WWOX: variants seen among roughly 807,000 people sequenced by gnomAD.
WWOX encodes WW domain containing oxidoreductase.
Under a neutral mutation model 46.2 loss-of-function variants are expected in WWOX, and 69 were observed. That is an observed-to-expected ratio of 1.49 (90% CI 1.23 to 1.82). The LOEUF is 1.82. Ranked by LOEUF, WWOX falls within the 40% of genes most tolerant of loss-of-function variation. WWOX has a pLI of 0.00. For synonymous variants in WWOX, 359 were observed against 202.6 expected (o/e 1.77, Z -6.56); for missense variants, 919 against 542.6 (o/e 1.69, Z -6.89).
intron 5 of WWOX, among the ~76,000 whole-genome samples, chr16:78,197,179 C>T (rs1040015900): frequency 2.6e-5 from 4 of 152,118 alleles, no homozygotes; most frequent in Non-Finnish European, 4.4e-5. Flanking sequence ...AACTGAGGCT[C>T]GGCGATACTA....
chr16:78,896,009 G>T (rs969290477), intron 8 of WWOX: 1 of 152,088 alleles, frequency 6.6e-6, no homozygotes, highest in Non-Finnish European at 1.5e-5. Context: ...GAAATGAACA[G>T]TTCTCAAACT....
chr16:78,153,203 G>A (rs901817291), intron 4 of WWOX, among the ~76,000 whole-genome samples: 3 of 152,162 alleles, frequency 2.0e-5, no homozygotes, highest in African/African-American at 7.2e-5. Context: ...CAGAGGTATG[G>A]ATTAGCTAGT....
chr16:78,200,131 A>G (rs1246602799), intron 5 of WWOX, among the ~76,000 whole-genome samples: 1 of 152,106 alleles, frequency 6.6e-6, no homozygotes, highest in Non-Finnish European at 1.5e-5. Context: ...GAGATTTCTA[A>G]GGCCAGACAT....
intron 8 of WWOX, among the ~76,000 whole-genome samples, chr16:78,573,552 C>T (rs560068806): frequency 2.6e-5 from 4 of 152,288 alleles, no homozygotes; most frequent in African/African-American, 4.8e-5. Context: ...TTCAGTGGCT[C>T]CCTGGGCCCT....
chr16:78,520,566 T>A (rs189517607), intron 8 of WWOX, among the ~76,000 whole-genome samples: 38 of 150,972 alleles, frequency 2.5e-4, no homozygotes, highest in African/African-American at 9.0e-4. Flanking sequence ...AGATTGGCAG[T>A]GGATGTCAGG....
chr16:79,195,125 G>T (rs533330642), intron 8 of WWOX, among the ~76,000 whole-genome samples: 1 of 152,090 alleles, frequency 6.6e-6, no homozygotes, highest in Non-Finnish European at 1.5e-5. Context: ...GAAAACAGAG[G>T]CTCAGACTGG....
At chr16:78,970,015 A>G (rs1030741374) in intron 8 of WWOX, among the ~76,000 whole-genome samples, 3 of 151,812 alleles carry the variant, frequency 2.0e-5, no homozygotes, top group Non-Finnish European at 4.4e-5. Context: ...TCATATCTCA[A>G]CAAAGCTGTT....
chr16:78,423,077 G>C (rs149032128), intron 6 of WWOX, among the ~76,000 whole-genome samples: 1 of 151,688 alleles, frequency 6.6e-6, no homozygotes, highest in Admixed American at 6.6e-5. Flanking sequence ...GTAGAGATGG[G>C]GGTTTCACCA....
intron 1 of WWOX, among the ~76,000 whole-genome samples, chr16:78,104,993 C>T (rs1038470697): frequency 4.6e-5 from 7 of 152,308 alleles, no homozygotes; most frequent in Non-Finnish European, 8.8e-5. Flanking sequence ...AGAATCTTCA[C>T]GACCAAATTA....
At chr16:78,656,159 T>C (rs1480674506) in intron 8 of WWOX, among the ~76,000 whole-genome samples, 1 of 152,166 alleles carries the variant, frequency 6.6e-6, no homozygotes, top group African/African-American at 2.4e-5. Flanking sequence ...CTGTTGTTTC[T>C]CATAACATTT....
chr16:78,385,134 A>AACACACACACACACACACACACACAC lies in WWOX; in HGVS notation c.517-1724_517-1699dup, dbSNP rs61262578. Among the ~76,000 whole-genome samples the AACACACACACACACACACACACACAC allele has an allele frequency of 7.3e-3, 1,041 of 143,066 alleles. 26 individuals carry two copies. Among genetic ancestry groups the AACACACACACACACACACACACACAC allele is most frequent in the African/African-American group, 0.026 (938 of 36,158 alleles). The allele number at this position is 143,066 out of a possible 152,430, so 93.9% of individuals were successfully genotyped here. The stretch of plus-strand genomic sequence containing the variant: ...GGGCGACAGAGTGAGACTCCATCTA[A>AACACACACACACACACACACACACAC]ACACACACACACACACACACACACA... On this transcript the variant is annotated intron_variant, in intron 5 of 8. Transcript: ENST00000566780.
At chr16:78,606,611 G>T (rs1009493695) in intron 8 of WWOX, among the ~76,000 whole-genome samples, 1 of 151,344 alleles carries the variant, frequency 6.6e-6, no homozygotes, top group Non-Finnish European at 1.5e-5. Context: ...AAGGAGAAAA[G>T]AATGGTGCGA....
intron 8 of WWOX, among the ~76,000 whole-genome samples, chr16:78,505,004 A>G (rs1284459358): frequency 1.3e-5 from 2 of 152,210 alleles, no homozygotes; most frequent in African/African-American, 2.4e-5. Flanking sequence ...GCCTTTGTGC[A>G]CGAAAGGAGA....
At chr16:78,565,333 G>C (rs1269191129) in intron 8 of WWOX, among the ~76,000 whole-genome samples, 1 of 152,204 alleles carries the variant, frequency 6.6e-6, no homozygotes, top group African/African-American at 2.4e-5. Flanking sequence ...TGTCAGTAGG[G>C]CTTGTTCCTT....
chr16:78,533,797 C>T (rs1187529486), intron 8 of WWOX, among the ~76,000 whole-genome samples: 1 of 152,152 alleles, frequency 6.6e-6, no homozygotes, highest in African/African-American at 2.4e-5. Flanking sequence ...CGAATGCGTC[C>T]TCAGAACTCG....
intron 5 of WWOX, among the ~76,000 whole-genome samples, chr16:78,323,875 G>A (rs2080547453): frequency 6.6e-6 from 1 of 152,184 alleles, no homozygotes. Context: ...TAAGGACTCA[G>A]AGGCCTGCTC....
intron 8 of WWOX, among the ~76,000 whole-genome samples, chr16:79,179,536 G>C (rs953676720): frequency 6.6e-6 from 1 of 152,210 alleles, no homozygotes; most frequent in African/African-American, 2.4e-5. Flanking sequence ...CTTCAGCCTA[G>C]CTAAAATGAA....
In WWOX at chr16:79,175,742, T is replaced by G. The variant is rs16949775; in HGVS notation, c.1057-35866T>G. Among the ~76,000 whole-genome samples the G allele has an allele frequency of 9.3e-3, 1,415 of 152,292 alleles. 19 individuals are homozygous for G. Among genetic ancestry groups the G allele is most frequent in the African/African-American group, 0.033 (1,373 of 41,542 alleles). On this transcript the variant is annotated intron_variant, in intron 8 of 8. Coordinates refer to ENST00000566780, the MANE Select transcript of WWOX (RefSeq NM_016373.4). Reference sequence around the variant, plus strand: ...CCGATGTTTAACAAAAAAGATCCTTTCAGAGTTACTCATACGACTTACACA... The same window carrying G: ...CCGATGTTTAACAAAAAAGATCCTTGCAGAGTTACTCATACGACTTACACA...
intron 5 of WWOX, among the ~76,000 whole-genome samples, chr16:78,216,445 G>A (rs1434503910): frequency 3.9e-5 from 6 of 152,136 alleles, no homozygotes; most frequent in Non-Finnish European, 7.4e-5. Context: ...AGTTCTGTAA[G>A]ATAGAAGTCC....
Sources: allele counts gnomAD v4.1 joint callset (sites outside exome capture counted in the v4.1 genomes callset), GRCh38; gene constraint gnomAD v4.1.1; transcripts MANE v1.5; gene names NCBI Gene and HGNC (gene_info 2026-07-23, HGNC 2026-07-21).